CYTH3: variants seen among roughly 807,000 people sequenced by gnomAD.
CYTH3 encodes the protein cytohesin-3.
In CYTH3, 23 loss-of-function variants were observed where a neutral mutation model predicts 55.1. The observed-to-expected ratio is 0.42, with a 90% CI of 0.30 to 0.59. CYTH3 has a LOEUF of 0.59. Ranked by LOEUF, CYTH3 falls within the 20% of genes least tolerant of loss-of-function variation. The pLI is 0.20. For synonymous variants in CYTH3, 249 were observed against 194.9 expected, an observed-to-expected ratio of 1.28 and a Z score of -2.31; for missense variants, 413 against 524.8, an observed-to-expected ratio of 0.79 and a Z score of 2.08.
chr7:6,168,597 ACT>A (rs1013169154), intron 9 of CYTH3, among the ~76,000 whole-genome samples: 35 of 151,998 alleles, frequency 2.3e-4, no homozygotes, highest in Non-Finnish European at 2.9e-5. Context: ...CGCCCACCAC[ACT>A]GAGGCCACGC....
chr7:6,176,735 G>A (rs923617720), intron 5 of CYTH3, among the ~76,000 whole-genome samples: 1 of 151,894 alleles, frequency 6.6e-6, no homozygotes, highest in African/African-American at 2.4e-5. Context: ...AACTGTCCTG[G>A]CAAGGCGTGC....
intron 1 of CYTH3, among the ~76,000 whole-genome samples, chr7:6,191,811 C>T (rs10237032): frequency 3.9e-5 from 6 of 152,182 alleles, no homozygotes; most frequent in African/African-American, 1.4e-4. Flanking sequence ...GGCAAGGTGG[C>T]TCATGCCTGT....
rs754753160 is a variant in CYTH3 at position 6,173,758 on chromosome 7, A to G, written c.369-25T>C. Reference sequence around the variant, plus strand: ...CCTGGGAAAAAAAGAAGTAAGTTTCAAACCTAATGTACATTATCGCAATCA... The same window carrying G: ...CCTGGGAAAAAAAGAAGTAAGTTTCGAACCTAATGTACATTATCGCAATCA... On this transcript the variant is annotated intron_variant, in intron 5 of 12. Transcript: ENST00000350796. 6.6e-6 allele frequency: 9 copies of G among 1,358,658 alleles called. No homozygotes were observed. The Admixed American group carries it at 1.2e-4, about 18-fold the overall frequency. 84.2% of individuals were successfully genotyped at this position (1,358,658 alleles called of 1,614,324 possible). A position where few individuals can be genotyped will look rare whatever the true frequency, so the allele number is the denominator to read the frequency against.
chr7:6,226,477 C>T (rs1251235146), intron 1 of CYTH3, among the ~76,000 whole-genome samples: 1 of 152,168 alleles, frequency 6.6e-6, no homozygotes, highest in African/African-American at 2.4e-5. Flanking sequence ...GGCAGGCAAG[C>T]TGGAGTAGAA....
At chr7:6,238,197 G>A (rs995235705) in intron 1 of CYTH3, among the ~76,000 whole-genome samples, 4 of 152,152 alleles carry the variant, frequency 2.6e-5, no homozygotes, top group Admixed American at 6.5e-5. Flanking sequence ...TTAGATGTGA[G>A]CTTTTGCATT....
chr7:6,250,376 T>TAAA (rs909116818), intron 1 of CYTH3, among the ~76,000 whole-genome samples: 1 of 152,126 alleles, frequency 6.6e-6, no homozygotes, highest in African/African-American at 2.4e-5. Flanking sequence ...CAAGCAAACC[T>TAAA]AAAAACCTTC....
At chr7:6,223,283 G>A (rs967739580) in intron 1 of CYTH3, among the ~76,000 whole-genome samples, 3 of 152,032 alleles carry the variant, frequency 2.0e-5, no homozygotes, top group Non-Finnish European at 4.4e-5. Flanking sequence ...GGGAAGTGAG[G>A]AGCGCCTCTG....
chr7:6,213,462 T>A lies in CYTH3; in HGVS notation c.35-22931A>T, dbSNP rs576651047. Among the ~76,000 whole-genome samples, 4 of 152,274 alleles carry A rather than the reference T, an allele frequency of 2.6e-5. No homozygotes were observed. The South Asian group carries it at 8.3e-4, about 32-fold the overall frequency. On this transcript the variant is annotated intron_variant, in intron 1 of 12. Coordinates refer to ENST00000350796, the MANE Select transcript of CYTH3 (RefSeq NM_004227.4). Reference sequence around the variant, plus strand: ...AGGGCTTTAATAACGTTGGTGCCTATCTACAACAACGACGGCTCTGATTCC... The same window carrying A: ...AGGGCTTTAATAACGTTGGTGCCTAACTACAACAACGACGGCTCTGATTCC...
chr7:6,219,626 A>G (rs1784502606), intron 1 of CYTH3, among the ~76,000 whole-genome samples: 1 of 152,204 alleles, frequency 6.6e-6, no homozygotes, highest in African/African-American at 2.4e-5. Flanking sequence ...AGGAATAGAA[A>G]CAGAACCGCA....
At chr7:6,174,963 T>C (rs1783306308) in intron 5 of CYTH3, among the ~76,000 whole-genome samples, 1 of 152,182 alleles carries the variant, frequency 6.6e-6, no homozygotes, top group Non-Finnish European at 1.5e-5. Context: ...AACTGAGTAA[T>C]TTTTGTTATT....
At chr7:6,252,059 C>T (rs1562412543) in intron 1 of CYTH3, among the ~76,000 whole-genome samples, 1 of 152,128 alleles carries the variant, frequency 6.6e-6, no homozygotes, top group African/African-American at 2.4e-5. Flanking sequence ...CCTGTTAAGA[C>T]AGAGCAGAAG....
In CYTH3 at chr7:6,208,731, G is replaced by C. The variant is rs968469962; in HGVS notation, c.35-18200C>G. ...ACTATTTTTTATTTTTGTAGAGATG[G>C]GGTCTTGCTATGCTGCCCAGGCTGG... On this transcript the variant is annotated intron_variant, in intron 1 of 12. Coordinates refer to ENST00000350796, the MANE Select transcript of CYTH3 (RefSeq NM_004227.4). Among the ~76,000 whole-genome samples, 4 of 152,050 alleles carry C rather than the reference G, an allele frequency of 2.6e-5. No individual in the cohort carries two copies. The South Asian group carries it at 8.3e-4, about 32-fold the overall frequency.
intron 1 of CYTH3, among the ~76,000 whole-genome samples, chr7:6,258,783 C>T (rs772718162): frequency 3.9e-5 from 6 of 151,964 alleles, no homozygotes; most frequent in Non-Finnish European, 7.4e-5. Context: ...TTTATAGAAA[C>T]GAAAAAATAT....
At chr7:6,222,757 A>C (rs1784580787) in intron 1 of CYTH3, among the ~76,000 whole-genome samples, 1 of 151,830 alleles carries the variant, frequency 6.6e-6, no homozygotes, top group Admixed American at 6.6e-5. Context: ...AAAAAAAAAA[A>C]AACAAAACCC....
intron 1 of CYTH3, among the ~76,000 whole-genome samples, chr7:6,215,687 A>G (rs1583169559): frequency 6.6e-6 from 1 of 152,226 alleles, no homozygotes; most frequent in Admixed American, 6.5e-5. Context: ...GGCAAAAAAC[A>G]TAAGCCTATG....
At chr7:6,237,641 G>C (rs1779558343) in intron 1 of CYTH3, among the ~76,000 whole-genome samples, 1 of 152,084 alleles carries the variant, frequency 6.6e-6, no homozygotes, top group African/African-American at 2.4e-5. Context: ...CCGGGGGGCA[G>C]AAGGTTGCAG....
intron 4 of CYTH3, among the ~76,000 whole-genome samples, chr7:6,186,584 G>A (rs992261216): frequency 2.0e-5 from 3 of 152,196 alleles, no homozygotes; most frequent in Admixed American, 6.5e-5. Context: ...AAGGTGAATG[G>A]AGGAATAAAG....
At chr7:6,211,246 C>A (rs1472931980) in intron 1 of CYTH3, among the ~76,000 whole-genome samples, 2 of 152,238 alleles carry the variant, frequency 1.3e-5, no homozygotes, top group Non-Finnish European at 2.9e-5. Context: ...ATCACCCTGT[C>A]TAAAGGACAG....
intron 4 of CYTH3, among the ~76,000 whole-genome samples, chr7:6,182,479 T>C (rs1286423614): frequency 2.6e-5 from 4 of 152,164 alleles, no homozygotes; most frequent in African/African-American, 7.2e-5. Flanking sequence ...CTCCCAGTAG[T>C]TGGACTACAG....
Sources: allele counts gnomAD v4.1 joint callset (sites outside exome capture counted in the v4.1 genomes callset), GRCh38; gene constraint gnomAD v4.1.1; transcripts MANE v1.5; gene names NCBI Gene and HGNC (gene_info 2026-07-23, HGNC 2026-07-21).